Variants in NCOA2 observed in about 807,000 individuals in gnomAD.
NCOA2 encodes the protein nuclear receptor coactivator 2, also known as class E basic helix-loop-helix protein 75.
A neutral mutation model predicts 145.1 loss-of-function variants in NCOA2; 21 were observed. That is an observed-to-expected ratio of 0.14 (90% CI 0.10 to 0.21). The LOEUF (loss-of-function observed/expected upper bound fraction) is 0.21, where lower values mean the gene tolerates loss of function less well. NCOA2 is among the 10% of genes least tolerant of loss of function. The pLI is 1.00. For synonymous variants in NCOA2, 619 were observed against 637.5 expected, an observed-to-expected ratio of 0.97 and a Z score of 0.44; for missense variants, 1,472 against 1,837.6, an observed-to-expected ratio of 0.80 and a Z score of 3.64.
At chr8:70,241,914 C>T (rs970645381) in intron 2 of NCOA2, among the ~76,000 whole-genome samples, 3 of 151,892 alleles carry the variant, frequency 2.0e-5, no homozygotes, top group Non-Finnish European at 4.4e-5. Flanking sequence ...AAAAACAAAG[C>T]CTTTAAAATT....
At chr8:70,316,463 T>TC (rs2136091529) in intron 1 of NCOA2, among the ~76,000 whole-genome samples, 1 of 152,310 alleles carries the variant, frequency 6.6e-6, no homozygotes, top group East Asian at 1.9e-4. Context: ...TGGTTTTGTT[T>TC]CCAGATCATT....
intron 1 of NCOA2, among the ~76,000 whole-genome samples, chr8:70,399,688 A>G (rs1814039249): frequency 1.3e-5 from 2 of 152,276 alleles, no homozygotes. Flanking sequence ...GCTTTTAAAT[A>G]TAACTTCGAT....
At chr8:70,138,875 A>G (rs1028348078) in intron 14 of NCOA2, among the ~76,000 whole-genome samples, 4 of 152,278 alleles carry the variant, frequency 2.6e-5, no homozygotes, top group Non-Finnish European at 2.9e-5. Flanking sequence ...ATCATATAGC[A>G]TGTAAAATTT....
intron 2 of NCOA2, among the ~76,000 whole-genome samples, chr8:70,260,901 G>A (rs1824059409): frequency 6.6e-6 from 1 of 152,152 alleles, no homozygotes; most frequent in Admixed American, 6.5e-5. Flanking sequence ...ACCACAATGA[G>A]ATACCATCTC....
chr8:70,197,171 A>G (rs1310946493), intron 4 of NCOA2, among the ~76,000 whole-genome samples: 2 of 152,318 alleles, frequency 1.3e-5, no homozygotes, highest in Non-Finnish European at 2.9e-5. Context: ...CTTTATTTAA[A>G]CATTACCCAT....
intron 4 of NCOA2, among the ~76,000 whole-genome samples, chr8:70,212,907 C>A (rs569999558): frequency 6.6e-6 from 1 of 152,022 alleles, no homozygotes; most frequent in Middle Eastern, 3.4e-3. Context: ...CACGGTGAAA[C>A]CCTGTTTTTA....
chr8:70,344,031 T>C (rs910662218), intron 1 of NCOA2, among the ~76,000 whole-genome samples: 1 of 152,194 alleles, frequency 6.6e-6, no homozygotes, highest in Admixed American at 6.5e-5. Flanking sequence ...AAAGCCTTTT[T>C]AATCTATGTA....
intron 2 of NCOA2, among the ~76,000 whole-genome samples, chr8:70,226,513 A>C (rs1820656846): frequency 6.6e-6 from 1 of 152,102 alleles, no homozygotes; most frequent in Non-Finnish European, 1.5e-5. Context: ...CAATGAATGA[A>C]ATGAGAAATC....
chr8:70,170,221 G>T lies in NCOA2; in HGVS notation c.522C>A (p.Asn174Lys), dbSNP rs749915939. The T allele has an allele frequency of 1.2e-6, 2 of 1,613,402 alleles. No individual in the cohort carries two copies. The highest frequency in any genetic ancestry group is 1.7e-6 in the Non-Finnish European group (2 of 1,179,718). The part of the protein sequence containing the change: ...HVGDHTEFVK[N>K]LLPKSIVNGG... ...ATTTACCTATAGACTTTGGCAGCAG[G>T]TTTTTGACAAATTCCGTGTGGTCCC... Residue 174 changes from asparagine to lysine, a missense_variant, in exon 6 of 23, where the codon AAC becomes AAA. Around this residue, in one of 4 missense-constraint regions of NCOA2, gnomAD observed 284 missense variants for 467.8 expected, o/e 0.61. Coordinates refer to ENST00000452400, the MANE Select transcript of NCOA2 (RefSeq NM_006540.4).
At chr8:70,301,017 A>C (rs1021594359) in intron 1 of NCOA2, among the ~76,000 whole-genome samples, 2 of 152,310 alleles carry the variant, frequency 1.3e-5, no homozygotes, top group Middle Eastern at 3.4e-3. Context: ...AACTAGCAAA[A>C]GTCTGGGTTC....
chr8:70,411,733 A>G, the NCOA2 span, among the ~76,000 whole-genome samples: 2 of 152,244 alleles, frequency 1.3e-5, no homozygotes, highest in Non-Finnish European at 2.9e-5. Context: ...TAGATACAAA[A>G]GAACACTACT....
intron 1 of NCOA2, among the ~76,000 whole-genome samples, chr8:70,328,562 T>A (rs1369164365): frequency 2.0e-5 from 3 of 152,160 alleles, no homozygotes; most frequent in Non-Finnish European, 4.4e-5. Flanking sequence ...ATAGAAGAAC[T>A]CTATTAATAT....
intron 1 of NCOA2, among the ~76,000 whole-genome samples, chr8:70,393,725 C>G (rs991107620): frequency 2.0e-5 from 3 of 152,188 alleles, no homozygotes; most frequent in Non-Finnish European, 4.4e-5. Flanking sequence ...CTGGGCTCCC[C>G]TTGTCTCCTG....
Position 70,141,221 on chromosome 8 carries a change from G to A in NCOA2, c.2991C>T (p.Gly997=), listed in dbSNP as rs373623919. 9.9e-6 allele frequency: 16 copies of A among 1,613,730 alleles called. No homozygotes were observed. In the East Asian group the frequency reaches 1.1e-4, roughly 11 times the overall value. The change falls in exon 14 of 23, where the codon GGC becomes GGT. Residue 997 remains glycine, a synonymous_variant. Coordinates refer to ENST00000452400, the MANE Select transcript of NCOA2 (RefSeq NM_006540.4). ...CCTGAGACTGAAGCGTCTGTCTTTG[G>A]CCAGGCTGGCTGCTGGGCCTCATGG... The part of the protein sequence containing the change: ...SIPMRPSSQP[G]QRQTLQSQVM...
chr8:70,126,591 G>C, intron 19 of NCOA2: 1 of 576,704 alleles, frequency 1.7e-6, no homozygotes, highest in African/African-American at 1.9e-5. Flanking sequence ...CCTGCACTCA[G>C]AGAAAAGGAG....
chr8:70,242,926 T>C lies in NCOA2; in HGVS notation c.-19-26162A>G, dbSNP rs569008909. On this transcript the variant is annotated intron_variant, in intron 2 of 22. Transcript: ENST00000452400. ...ACCCGATTATAATATTTGTGGTTAA[T>C]TACTGTGGTTGGAATTCTGAAGTGT... Among the ~76,000 whole-genome samples the C allele has an allele frequency of 1.3e-4, 20 of 152,240 alleles. No homozygotes were observed. In the South Asian group the frequency reaches 2.9e-3, roughly 22 times the overall value.
intron 1 of NCOA2, among the ~76,000 whole-genome samples, chr8:70,302,701 G>T (rs929854629): frequency 5.3e-5 from 8 of 152,088 alleles, no homozygotes; most frequent in African/African-American, 1.9e-4. Flanking sequence ...ATCTTAAGAT[G>T]TTCTTTTGTT....
intron 2 of NCOA2, among the ~76,000 whole-genome samples, chr8:70,289,615 C>T (rs1826510588): frequency 6.6e-6 from 1 of 151,882 alleles, no homozygotes; most frequent in Admixed American, 6.6e-5. Flanking sequence ...ATGTAACTGG[C>T]ACCAAAAAAG....
chr8:70,421,893 G>A, the NCOA2 span, among the ~76,000 whole-genome samples: 5 of 152,028 alleles, frequency 3.3e-5, no homozygotes, highest in African/African-American at 2.4e-5. Context: ...CCAGGAGTTC[G>A]AGACTAGCCT....
Sources: gnomAD v4.1 joint callset for allele counts (sites outside exome capture counted in the v4.1 genomes callset) on GRCh38, gnomAD v4.1.1 for gene constraint, gnomAD v4.1.1 regional missense constraint, MANE v1.5 for transcripts, NCBI Gene and HGNC (gene_info 2026-07-23, HGNC 2026-07-21) for gene names.